HTR1F: variants seen among roughly 807,000 people sequenced by gnomAD.
HTR1F encodes the protein 5-hydroxytryptamine (serotonin) receptor 1F, G protein-coupled.
Under a neutral mutation model 24.0 loss-of-function variants are expected in HTR1F, and 17 were observed. That is an observed-to-expected ratio of 0.71 (90% CI 0.48 to 1.06). The LOEUF (loss-of-function observed/expected upper bound fraction) is 1.06, where lower values mean the gene tolerates loss of function less well. Ranked by LOEUF, HTR1F falls within the 50% of genes least tolerant of loss-of-function variation. HTR1F has a pLI of 0.00. For synonymous variants in HTR1F, 186 were observed against 156.8 expected, an observed-to-expected ratio of 1.19 and a Z score of -1.39; for missense variants, 391 against 427.8, an observed-to-expected ratio of 0.91 and a Z score of 0.76.
chr3:87,928,877 G>C (rs573801915), intron 2 of HTR1F, among the ~76,000 whole-genome samples: 1 of 152,234 alleles, frequency 6.6e-6, no homozygotes, highest in African/African-American at 2.4e-5. Flanking sequence ...GTGTAATCCA[G>C]GTACCAAGAA....
intron 1 of HTR1F, among the ~76,000 whole-genome samples, chr3:87,817,793 G>A (rs1026726207): frequency 3.9e-5 from 6 of 152,148 alleles, no homozygotes; most frequent in African/African-American, 1.2e-4. Flanking sequence ...TGATGTAACT[G>A]TATGGCAAAG....
At chr3:87,887,064 G>A (rs1375974709) in intron 2 of HTR1F, among the ~76,000 whole-genome samples, 1 of 152,126 alleles carries the variant, frequency 6.6e-6, no homozygotes, top group Non-Finnish European at 1.5e-5. Context: ...CACACTACCT[G>A]ACTTCAAACT....
intron 2 of HTR1F, among the ~76,000 whole-genome samples, chr3:87,947,018 G>C (rs78216337): frequency 6.6e-6 from 1 of 152,144 alleles, no homozygotes; most frequent in East Asian, 1.9e-4. Context: ...TTTAATCGTT[G>C]TGTTGAAATG....
intron 1 of HTR1F, among the ~76,000 whole-genome samples, chr3:87,809,013 C>G (rs1406036456): frequency 1.3e-5 from 2 of 151,676 alleles, no homozygotes; most frequent in Non-Finnish European, 3.0e-5. Flanking sequence ...TGGTTCCTAA[C>G]ATATTATTAC....
chr3:87,871,314 G>GA (rs377332165), intron 2 of HTR1F, among the ~76,000 whole-genome samples: 44 of 151,012 alleles, frequency 2.9e-4, no homozygotes, highest in East Asian at 5.8e-4. Flanking sequence ...TCAAGCAAAA[G>GA]AAAAAAAATC....
chr3:87,883,128 G>A (rs1575984333), intron 2 of HTR1F, among the ~76,000 whole-genome samples: 3 of 152,302 alleles, frequency 2.0e-5, no homozygotes, highest in South Asian at 4.1e-4. Context: ...TATTTGCTGT[G>A]CTGCAATATT....
intron 2 of HTR1F, among the ~76,000 whole-genome samples, chr3:87,837,150 T>TA (rs1211571164): frequency 6.6e-6 from 1 of 152,132 alleles, no homozygotes; most frequent in Admixed American, 6.5e-5. Context: ...GGCTTTTTTT[T>TA]AGTTGCAATT....
chr3:87,855,608 T>C (rs1482888700), intron 2 of HTR1F, among the ~76,000 whole-genome samples: 2 of 152,118 alleles, frequency 1.3e-5, no homozygotes, highest in African/African-American at 4.8e-5. Flanking sequence ...GTCCATTGTA[T>C]TACTTATACA....
At chr3:87,923,688 T>TA (rs372356591) in intron 2 of HTR1F, among the ~76,000 whole-genome samples, 14 of 152,162 alleles carry the variant, frequency 9.2e-5, no homozygotes, top group Middle Eastern at 3.4e-3. Flanking sequence ...CCTACTTTGT[T>TA]AAGAGTTTTT....
At chr3:87,901,824 A>G (rs1706331265) in intron 2 of HTR1F, among the ~76,000 whole-genome samples, 2 of 152,164 alleles carry the variant, frequency 1.3e-5, no homozygotes, top group South Asian at 4.1e-4. Flanking sequence ...CTAGTGACAT[A>G]TTTTATTTAG....
intron 2 of HTR1F, among the ~76,000 whole-genome samples, chr3:87,958,064 A>G (rs985534774): frequency 2.6e-5 from 4 of 151,538 alleles, no homozygotes; most frequent in Non-Finnish European, 5.9e-5. Flanking sequence ...CAAAATTTTG[A>G]CATACAGTAT....
At chr3:87,827,663 G>A (rs1188903850) in intron 2 of HTR1F, among the ~76,000 whole-genome samples, 1 of 152,078 alleles carries the variant, frequency 6.6e-6, no homozygotes, top group Non-Finnish European at 1.5e-5. Flanking sequence ...TAAATGAATT[G>A]GAAAGCAATG....
At chr3:87,880,458 G>A (rs57226509) in intron 2 of HTR1F, among the ~76,000 whole-genome samples, 18,174 of 151,992 alleles carry the variant, frequency 0.12, 1,379 homozygotes, top group African/African-American at 0.21. Context: ...TACTTTCTTA[G>A]GATACATAGT....
chr3:87,982,898 T>G (rs1705582296), intron 2 of HTR1F, among the ~76,000 whole-genome samples: 2 of 152,186 alleles, frequency 1.3e-5, no homozygotes, highest in Admixed American at 1.3e-4. Flanking sequence ...TGAGTCAAGA[T>G]GCACTGCAGC....
chr3:87,925,417 C>A (rs993133689), intron 2 of HTR1F, among the ~76,000 whole-genome samples: 4 of 152,072 alleles, frequency 2.6e-5, no homozygotes, highest in African/African-American at 4.8e-5. Flanking sequence ...TACTGGACCA[C>A]TTCTTTTTGG....
chr3:87,794,681 A>G (rs1703874513), intron 1 of HTR1F, among the ~76,000 whole-genome samples: 1 of 152,192 alleles, frequency 6.6e-6, no homozygotes, highest in Non-Finnish European at 1.5e-5. Context: ...TCAACAGCAT[A>G]CAAATAACTT....
At chr3:87,950,599 A>G (rs927733746) in intron 2 of HTR1F, among the ~76,000 whole-genome samples, 2 of 152,124 alleles carry the variant, frequency 1.3e-5, no homozygotes, top group South Asian at 4.1e-4. Flanking sequence ...TTATTTCTAA[A>G]TATATTGAGT....
intron 2 of HTR1F, among the ~76,000 whole-genome samples, chr3:87,896,313 G>A (rs953868963): frequency 3.1e-4 from 47 of 152,338 alleles, no homozygotes; most frequent in African/African-American, 9.9e-4. Context: ...CCAGGCTTCA[G>A]AAAAGGGACA....
chr3:87,844,920 G>C (rs1704903889), intron 2 of HTR1F, among the ~76,000 whole-genome samples: 1 of 151,896 alleles, frequency 6.6e-6, no homozygotes, highest in African/African-American at 2.4e-5. Flanking sequence ...CTACCATGCT[G>C]TTTTGGTTAC....
Sources: gnomAD v4.1 joint callset for allele counts (sites outside exome capture counted in the v4.1 genomes callset) on GRCh38, gnomAD v4.1.1 for gene constraint, MANE v1.5 for transcripts, NCBI Gene and HGNC (gene_info 2026-07-23, HGNC 2026-07-21) for gene names.